Variants in CNTNAP2 observed in about 807,000 individuals in gnomAD.
CNTNAP2 encodes contactin-associated protein-like 2.
CNTNAP2 carries 98 observed loss-of-function variants against 155.2 expected under a neutral mutation model. The observed-to-expected ratio is 0.63, with a 90% confidence interval of 0.54 to 0.75. The LOEUF (loss-of-function observed/expected upper bound fraction) is 0.75, where lower values mean the gene tolerates loss of function less well. CNTNAP2 is among the 30% of genes least tolerant of loss of function. The pLI, the probability that CNTNAP2 is intolerant of heterozygous loss-of-function variation, is 0.00. For synonymous variants in CNTNAP2, 651 were observed against 631.2 expected (o/e 1.03, Z -0.47); for missense variants, 1,727 against 1,688.1 (o/e 1.02, Z -0.40).
intron 13 of CNTNAP2, among the ~76,000 whole-genome samples, chr7:147,804,778 T>C (rs572834002): frequency 6.6e-6 from 1 of 152,228 alleles, no homozygotes; most frequent in Non-Finnish European, 1.5e-5. Flanking sequence ...GGTCTCAAAC[T>C]CCTGACCTCA....
chr7:148,411,155 T>C (rs1799828388), intron 23 of CNTNAP2, among the ~76,000 whole-genome samples: 1 of 152,198 alleles, frequency 6.6e-6, no homozygotes, highest in South Asian at 2.1e-4. Context: ...AGATCGATAT[T>C]GACATCCCTG....
intron 1 of CNTNAP2, among the ~76,000 whole-genome samples, chr7:146,745,468 C>T (rs1448414614): frequency 6.6e-6 from 1 of 152,100 alleles, no homozygotes; most frequent in Non-Finnish European, 1.5e-5. Flanking sequence ...CAAAGGTATA[C>T]TGACTTTGCC....
rs1339360470 is a variant in CNTNAP2 at position 148,202,481 on chromosome 7, C to G, written c.3011-14807C>G. The stretch of plus-strand genomic sequence containing the variant: ...AAAGCCATCCATCCATATAGAAAGC[C>G]TTTTGCAAGTATTTTTAATTTATTT... On this transcript the variant is annotated intron_variant, in intron 18 of 23. Coordinates refer to ENST00000361727, the MANE Select transcript of CNTNAP2 (RefSeq NM_014141.6). Among the ~76,000 whole-genome samples, 3 of 152,146 alleles carry G rather than the reference C, an allele frequency of 2.0e-5. No homozygotes were observed. The East Asian group carries it at 5.8e-4, about 29-fold the overall frequency.
intron 12 of CNTNAP2, among the ~76,000 whole-genome samples, chr7:147,617,903 G>T (rs1008246010): frequency 6.6e-6 from 1 of 152,070 alleles, no homozygotes; most frequent in Admixed American, 6.6e-5. Flanking sequence ...CTGGATACAT[G>T]CTTGTATAAG....
At chr7:147,510,850 C>CATATACATATATATATATATATATATAT (rs1799003880) in intron 11 of CNTNAP2, among the ~76,000 whole-genome samples, 1 of 76,404 alleles carries the variant, frequency 1.3e-5, no homozygotes, top group African/African-American at 6.2e-5. Flanking sequence ...GGCCTACAAC[C>CATATACATATATATATATATATATATAT]ATATATATAT....
At chr7:146,430,758 T>C (rs1279698040) in intron 1 of CNTNAP2, among the ~76,000 whole-genome samples, 2 of 152,070 alleles carry the variant, frequency 1.3e-5, no homozygotes, top group Non-Finnish European at 2.9e-5. Flanking sequence ...ATTGCACGTT[T>C]TGAGAGTTTC....
chr7:146,370,497 A>G (rs1441322027), intron 1 of CNTNAP2, among the ~76,000 whole-genome samples: 1 of 151,954 alleles, frequency 6.6e-6, no homozygotes, highest in Non-Finnish European at 1.5e-5. Context: ...TGTCAAAATT[A>G]TTATTTATTA....
chr7:146,978,954 TTGAG>T (rs1797964081), intron 3 of CNTNAP2, among the ~76,000 whole-genome samples: 1 of 152,096 alleles, frequency 6.6e-6, no homozygotes, highest in South Asian at 2.1e-4. Flanking sequence ...GTTTGAGATT[TTGAG>T]TAAGGTTAAT....
At chr7:147,718,186 T>A (rs4295581) in intron 13 of CNTNAP2, among the ~76,000 whole-genome samples, 81,908 of 151,938 alleles carry the variant, frequency 0.54, 24,627 homozygotes, top group East Asian at 0.83. Context: ...GGAAGCACAG[T>A]TGTATTAGCC....
chr7:147,131,039 T>C (rs140603823), intron 7 of CNTNAP2, among the ~76,000 whole-genome samples: 3,564 of 147,758 alleles, frequency 0.024, 53 homozygotes, highest in Non-Finnish European at 0.031. Context: ...TATATATATA[T>C]ACACATATAT....
At chr7:146,850,086 G>A (rs1794845920) in intron 3 of CNTNAP2, among the ~76,000 whole-genome samples, 1 of 152,162 alleles carries the variant, frequency 6.6e-6, no homozygotes, top group Non-Finnish European at 1.5e-5. Context: ...TGGTTTGCTT[G>A]AGTTAAATAG....
At chr7:146,554,005 T>C (rs986190639) in intron 1 of CNTNAP2, among the ~76,000 whole-genome samples, 3 of 152,180 alleles carry the variant, frequency 2.0e-5, no homozygotes, top group South Asian at 2.1e-4. Flanking sequence ...CACAGCCCCA[T>C]ATAAAACAGT....
intron 3 of CNTNAP2, among the ~76,000 whole-genome samples, chr7:146,949,952 A>G (rs1382749819): frequency 6.6e-6 from 1 of 152,158 alleles, no homozygotes; most frequent in Non-Finnish European, 1.5e-5. Flanking sequence ...ACATAATAAT[A>G]CTATGTGCGA....
In CNTNAP2 at chr7:148,418,418, TTAAA is replaced by T. The variant is rs1450800088; in HGVS notation, c.*2806_*2809del. The T allele has an allele frequency of 1.3e-5, 2 of 152,198 alleles. No individual in the cohort carries two copies. Among genetic ancestry groups the T allele is most frequent in the African/African-American group, 4.8e-5 (2 of 41,452 alleles). The allele number at this position is 152,198 out of a possible 1,614,324, so 9.4% of individuals were successfully genotyped here. A position where few individuals can be genotyped will look rare whatever the true frequency, so the allele number is the denominator to read the frequency against. ...CACAAGTATGCTGGTAGTAGCCTCT[TTAAA>T]TAATATGTATAGACAACAACAACGA... On this transcript the variant is annotated 3_prime_UTR_variant, in exon 24 of 24. Transcript: ENST00000361727.
chr7:147,088,646 G>A (rs1052526670), intron 4 of CNTNAP2, among the ~76,000 whole-genome samples: 5 of 152,106 alleles, frequency 3.3e-5, no homozygotes, highest in Non-Finnish European at 5.9e-5. Context: ...TCTTCTACTT[G>A]TTTTCAAAAT....
intron 4 of CNTNAP2, among the ~76,000 whole-genome samples, chr7:147,091,196 G>A (rs900850153): frequency 8.6e-5 from 13 of 151,974 alleles, no homozygotes; most frequent in East Asian, 2.0e-4. Flanking sequence ...AAAGTGAATC[G>A]GTTTCCTCAT....
At chr7:146,392,734 G>C (rs1229705845) in intron 1 of CNTNAP2, among the ~76,000 whole-genome samples, 3 of 152,088 alleles carry the variant, frequency 2.0e-5, no homozygotes, top group Admixed American at 2.0e-4. Flanking sequence ...ACAAAAACAT[G>C]GTTTGAGGTA....
rs1450821685 is a variant in CNTNAP2 at position 147,917,790 on chromosome 7, C to A, written c.2255+14069C>A. 2.6e-5 allele frequency among the ~76,000 whole-genome samples: 4 copies of A among 152,204 alleles called. No individual in the cohort carries two copies. The East Asian group carries it at 5.8e-4, about 22-fold the overall frequency. ...GGGCCCTGCTAGTCTCCTGTTCACA[C>A]CTACAGTAGGTCCCTGTGATCTCCA... On this transcript the variant is annotated intron_variant, in intron 14 of 23. Coordinates refer to ENST00000361727, the MANE Select transcript of CNTNAP2 (RefSeq NM_014141.6).
chr7:147,744,523 A>G (rs1046304908), intron 13 of CNTNAP2, among the ~76,000 whole-genome samples: 1 of 152,220 alleles, frequency 6.6e-6, no homozygotes, highest in Non-Finnish European at 1.5e-5. Context: ...GTCAGAGGAC[A>G]AGTTTAGTTC....
Sources: allele counts gnomAD v4.1 joint callset (sites outside exome capture counted in the v4.1 genomes callset), GRCh38; gene constraint gnomAD v4.1.1; transcripts MANE v1.5; gene names NCBI Gene and HGNC (gene_info 2026-07-23, HGNC 2026-07-21).